The following RPS6KC1 variants were observed in gnomAD, a reference collection of about 807,000 sequenced individuals.
RPS6KC1 encodes inactive ribosomal protein S6 kinase delta-1.
Under a neutral mutation model 103.8 loss-of-function variants are expected in RPS6KC1, and 54 were observed. The observed-to-expected ratio is 0.52, with a 90% CI of 0.42 to 0.65. The LOEUF is 0.65. Among genes scored for constraint, RPS6KC1 ranks in the 30% least tolerant of loss-of-function variants. RPS6KC1 has a pLI of 0.00. For synonymous variants in RPS6KC1, 439 were observed against 438.7 expected (o/e 1.00, Z -0.01); for missense variants, 1,151 against 1,253.8 (o/e 0.92, Z 1.24).
At chr1:213,814,310 G>C in the RPS6KC1 span, among the ~76,000 whole-genome samples, 1 of 152,236 alleles carries the variant, frequency 6.6e-6, no homozygotes, top group East Asian at 1.9e-4. Flanking sequence ...TGACCAACGG[G>C]AGCAGTAAAC....
chr1:213,154,331 T>G (rs892682411), intron 6 of RPS6KC1, among the ~76,000 whole-genome samples: 4 of 152,214 alleles, frequency 2.6e-5, no homozygotes, highest in Non-Finnish European at 5.9e-5. Context: ...CCTGTGTCCT[T>G]CCCTTCCTGG....
At chr1:213,137,777 C>CTCTCTATATATATATA (rs1387641875) in intron 6 of RPS6KC1, among the ~76,000 whole-genome samples, 1 of 63,594 alleles carries the variant, frequency 1.6e-5, no homozygotes, top group African/African-American at 1.1e-4. Flanking sequence ...CTCTCTCTCT[C>CTCTCTATATATATATA]TATATATATA....
the RPS6KC1 span, among the ~76,000 whole-genome samples, chr1:213,326,688 A>T: frequency 6.6e-6 from 1 of 152,240 alleles, no homozygotes; most frequent in Non-Finnish European, 1.5e-5. Flanking sequence ...GCTCGGATTC[A>T]TTAGAATCAG....
At chr1:213,690,474 G>T in the RPS6KC1 span, among the ~76,000 whole-genome samples, 1 of 152,130 alleles carries the variant, frequency 6.6e-6, no homozygotes, top group Non-Finnish European at 1.5e-5. Flanking sequence ...CTGCTTGTCT[G>T]GTGGACTCTC....
the RPS6KC1 span, among the ~76,000 whole-genome samples, chr1:213,576,331 C>G: frequency 0.018 from 2,655 of 149,920 alleles, 217 homozygotes; most frequent in East Asian, 0.26. Context: ...ATTTAAAATG[C>G]AGGTATACCT....
At chr1:213,115,297 G>T (rs965215949) in intron 4 of RPS6KC1, among the ~76,000 whole-genome samples, 1 of 151,848 alleles carries the variant, frequency 6.6e-6, no homozygotes, top group East Asian at 1.9e-4. Context: ...TGTATGTGTC[G>T]AGGAATTTAT....
chr1:213,091,449 G>T (rs968995839), intron 3 of RPS6KC1, among the ~76,000 whole-genome samples: 2 of 152,082 alleles, frequency 1.3e-5, no homozygotes, highest in Admixed American at 6.6e-5. Flanking sequence ...ATAAAGGCTA[G>T]TTGCATTGTG....
chr1:213,116,926 T>C (rs1335305760), intron 4 of RPS6KC1, among the ~76,000 whole-genome samples: 1 of 152,236 alleles, frequency 6.6e-6, no homozygotes, highest in Non-Finnish European at 1.5e-5. Flanking sequence ...AGATCTGCTG[T>C]TAGTCTGATG....
the RPS6KC1 span, among the ~76,000 whole-genome samples, chr1:213,472,243 G>T: frequency 6.6e-6 from 1 of 152,122 alleles, no homozygotes; most frequent in African/African-American, 2.4e-5. Flanking sequence ...TTAAATTTGT[G>T]TCTAAATTAA....
At chr1:213,207,402 TTTTC>T (rs2093379808) in intron 8 of RPS6KC1, among the ~76,000 whole-genome samples, 1 of 152,156 alleles carries the variant, frequency 6.6e-6, no homozygotes, top group Non-Finnish European at 1.5e-5. Context: ...CAGAGAAACT[TTTTC>T]AACAGGCTAC....
intron 8 of RPS6KC1, among the ~76,000 whole-genome samples, chr1:213,198,531 T>A (rs1026851693): frequency 6.6e-6 from 1 of 152,202 alleles, no homozygotes; most frequent in African/African-American, 2.4e-5. Flanking sequence ...TCCTGGATTA[T>A]TCCCTAAAAT....
the RPS6KC1 span, among the ~76,000 whole-genome samples, chr1:213,482,417 T>A: frequency 6.6e-6 from 1 of 151,078 alleles, no homozygotes; most frequent in South Asian, 2.1e-4. Context: ...ATTAAACTTA[T>A]AACATTCTGT....
chr1:213,225,381 A>G (rs2093934753), intron 8 of RPS6KC1, among the ~76,000 whole-genome samples: 1 of 152,008 alleles, frequency 6.6e-6, no homozygotes, highest in Non-Finnish European at 1.5e-5. Flanking sequence ...AGCCATGTTT[A>G]TCCATCTTAA....
chr1:213,806,231 C>T, the RPS6KC1 span, among the ~76,000 whole-genome samples: 1 of 152,118 alleles, frequency 6.6e-6, no homozygotes, highest in African/African-American at 2.4e-5. Flanking sequence ...ACTTGGGAGG[C>T]TGAGGCAGGA....
At chr1:213,624,789 C>T in the RPS6KC1 span, among the ~76,000 whole-genome samples, 1 of 152,098 alleles carries the variant, frequency 6.6e-6, no homozygotes, top group Non-Finnish European at 1.5e-5. Flanking sequence ...TCTCTGGGGT[C>T]TCTTTTATAA....
At chr1:213,388,145 A>G in the RPS6KC1 span, among the ~76,000 whole-genome samples, 1 of 152,224 alleles carries the variant, frequency 6.6e-6, no homozygotes, top group African/African-American at 2.4e-5. Context: ...ACATTTGGCT[A>G]CTTGAATTCA....
the RPS6KC1 span, among the ~76,000 whole-genome samples, chr1:213,301,095 C>T: frequency 3.2e-3 from 482 of 152,298 alleles, 2 homozygotes; most frequent in Non-Finnish European, 5.6e-3. Context: ...TTTTCCACTC[C>T]GCTAAGCCAG....
chr1:213,464,790 T>A, the RPS6KC1 span, among the ~76,000 whole-genome samples: 57 of 151,978 alleles, frequency 3.8e-4, no homozygotes, highest in East Asian at 9.6e-4. Flanking sequence ...TTTTTTTTTT[T>A]AAATCAGAAA....
At chr1:213,690,676 G>C in the RPS6KC1 span, among the ~76,000 whole-genome samples, 3 of 152,164 alleles carry the variant, frequency 2.0e-5, no homozygotes, top group African/African-American at 7.2e-5. Flanking sequence ...TCTATTTGTT[G>C]CCAGCTGCCT....
Sources: allele counts gnomAD v4.1 joint callset (sites outside exome capture counted in the v4.1 genomes callset), GRCh38; gene constraint gnomAD v4.1.1; transcripts MANE v1.5; gene names NCBI Gene and HGNC (gene_info 2026-07-23, HGNC 2026-07-21).